SPATA16: variants seen among roughly 807,000 people sequenced by gnomAD.
The protein encoded by SPATA16 is spermatogenesis associated 16.
In SPATA16, 36 loss-of-function variants were observed where a neutral mutation model predicts 63.3. That is an observed-to-expected ratio of 0.57 (90% CI 0.44 to 0.75). SPATA16 has a LOEUF of 0.75. SPATA16 is among the 30% of genes least tolerant of loss of function. The pLI is 0.00. For missense variants in SPATA16, 646 were observed against 679.3 expected, an observed-to-expected ratio of 0.95 and a Z score of 0.54; for synonymous variants, 203 against 216.7, an observed-to-expected ratio of 0.94 and a Z score of 0.56.
chr3:172,943,097 A>G (rs995906433), intron 6 of SPATA16, among the ~76,000 whole-genome samples: 2 of 152,178 alleles, frequency 1.3e-5, no homozygotes, highest in South Asian at 4.1e-4. Flanking sequence ...TTGACCCTAG[A>G]ATTCAGTGAA....
rs769643352 is a variant in SPATA16, at chr3:172,976,941, C to T, written c.933+27G>A. 8.2e-6 allele frequency: 13 copies of T among 1,592,024 alleles called. No individual in the cohort carries two copies. The African/African-American group carries it at 1.5e-4, about 18-fold the overall frequency. ...GCTCTAAAAATGAGATGGGTTTCTC[C>T]TCCCTAGTTGGGACATCAATTTTTA... On this transcript the variant is annotated intron_variant, in intron 5 of 10. Transcript: ENST00000351008.
intron 2 of SPATA16, among the ~76,000 whole-genome samples, chr3:173,104,093 T>C (rs936371575): frequency 1.3e-5 from 2 of 152,198 alleles, no homozygotes; most frequent in African/African-American, 4.8e-5. Flanking sequence ...ATAACAAGGG[T>C]GACCTTTGCA....
chr3:173,058,109 TTCTA>T (rs966908950), intron 2 of SPATA16, among the ~76,000 whole-genome samples: 6 of 152,170 alleles, frequency 3.9e-5, no homozygotes, highest in Non-Finnish European at 7.4e-5. Flanking sequence ...CTATATGAAT[TTCTA>T]TCTATCTCTA....
At position 172,916,476 on chromosome 3, in the gene SPATA16, A is replaced by G. The variant is rs756371319; in HGVS notation, c.1344T>C (p.Ser448=). Residue 448 remains serine (S), a synonymous_variant, in exon 9 of 11, where the codon AGT becomes AGC. Coordinates refer to ENST00000351008, the MANE Select transcript of SPATA16 (RefSeq NM_031955.6). Reference sequence around the variant, plus strand: ...CCATCACACCTGAGGATGCAGGAAAACTCCCCTAGTCTCAAAGTAAAAGAA... The same window carrying G: ...CCATCACACCTGAGGATGCAGGAAAGCTCCCCTAGTCTCAAAGTAAAAGAA... The part of the protein sequence containing the change: ...DFIRSTQLNG[S]FPASSGVMEK... 1.2e-6 allele frequency: 2 copies of G among 1,613,206 alleles called. No individual in the cohort carries two copies. The highest frequency in any genetic ancestry group is 2.7e-5 in the African/African-American group (2 of 74,758).
chr3:173,104,671 C>G (rs1737578335), intron 2 of SPATA16, among the ~76,000 whole-genome samples: 1 of 152,200 alleles, frequency 6.6e-6, no homozygotes, highest in African/African-American at 2.4e-5. Flanking sequence ...GTTCCCAACT[C>G]TAGCACAGAG....
chr3:173,019,676 A>C, intron 3 of SPATA16, 101 bp from the exon 4 acceptor site: 1 of 1,099,620 alleles, frequency 9.1e-7, no homozygotes, highest in Non-Finnish European at 1.4e-6. Context: ...TTTATATACT[A>C]TGTGTTTTTA....
At chr3:172,988,809 T>C (rs1230203130) in intron 4 of SPATA16, among the ~76,000 whole-genome samples, 3 of 152,090 alleles carry the variant, frequency 2.0e-5, no homozygotes, top group Non-Finnish European at 4.4e-5. Flanking sequence ...GCTAATTTTC[T>C]GTATTTTTAG....
At chr3:172,969,550 A>G (rs1733998629) in intron 5 of SPATA16, among the ~76,000 whole-genome samples, 1 of 152,166 alleles carries the variant, frequency 6.6e-6, no homozygotes, top group African/African-American at 2.4e-5. Flanking sequence ...GGAATCTAAT[A>G]TTTTAAATGC....
Position 173,117,313 on chromosome 3 carries a change from AC to A in SPATA16, c.418del (p.Val140Ter). ...ACTCCCAGTAGACATGAAGGACTCT[AC>A]AAACTCATAGCGAACACCCATTTCA... ...IDEMGVRYEF[V>X]ESFMSTGSQP... On this transcript the variant is annotated frameshift_variant, in exon 2 of 11. Transcript: ENST00000351008. LOFTEE classifies it high-confidence loss of function. 1 of 1,614,182 alleles carries A rather than the reference AC, an allele frequency of 6.2e-7. No individual in the cohort carries two copies. Among genetic ancestry groups the A allele is most frequent in the Non-Finnish European group, 8.5e-7 (1 of 1,180,014 alleles).
intron 2 of SPATA16, among the ~76,000 whole-genome samples, chr3:173,086,356 T>C (rs11914883): frequency 0.14 from 21,476 of 152,168 alleles, 1,537 homozygotes; most frequent in East Asian, 0.25. Flanking sequence ...GACAATTGTT[T>C]GTATTTCTTT....
intron 5 of SPATA16, among the ~76,000 whole-genome samples, chr3:172,957,335 A>G (rs955759073): frequency 2.6e-5 from 4 of 152,098 alleles, no homozygotes; most frequent in Non-Finnish European, 5.9e-5. Context: ...TCCTTCCTCA[A>G]TTTCCTCCCA....
At chr3:173,087,491 G>A (rs541632081) in intron 2 of SPATA16, among the ~76,000 whole-genome samples, 6 of 152,252 alleles carry the variant, frequency 3.9e-5, no homozygotes, top group African/African-American at 1.4e-4. Flanking sequence ...GCTATTCTGT[G>A]TCTTTTAATT....
At chr3:172,965,719 C>T (rs1011490574) in intron 5 of SPATA16, among the ~76,000 whole-genome samples, 2 of 151,922 alleles carry the variant, frequency 1.3e-5, no homozygotes, top group Non-Finnish European at 2.9e-5. Flanking sequence ...ACAACCCCCA[C>T]CTCCTGGGTT....
intron 5 of SPATA16, 52 bp downstream of exon 5, chr3:172,976,916 G>T: frequency 1.4e-6 from 2 of 1,436,998 alleles, no homozygotes; most frequent in South Asian, 1.1e-5. Context: ...TTTCATTTTG[G>T]CTCTAAAAAT....
chr3:172,995,900 G>C lies in SPATA16; in HGVS notation c.849-18848C>G, dbSNP rs533649053. Among the ~76,000 whole-genome samples the C allele has an allele frequency of 3.4e-3, 514 of 152,096 alleles. 3 individuals are homozygous for C. Among genetic ancestry groups the C allele is most frequent in the African/African-American group, 0.012 (499 of 41,536 alleles). ...TAGTACTACACAATTAACAAAACCAGGAAATTAATATGGGTGAATTAATAT... is the reference window on the plus strand; with the variant it reads ...TAGTACTACACAATTAACAAAACCACGAAATTAATATGGGTGAATTAATAT... On this transcript the variant is annotated intron_variant, in intron 4 of 10. Transcript: ENST00000351008.
chr3:173,088,122 G>C (rs1223035415), intron 2 of SPATA16, among the ~76,000 whole-genome samples: 1 of 118,808 alleles, frequency 8.4e-6, no homozygotes, highest in African/African-American at 3.4e-5. Context: ...GTCTTGCACT[G>C]TTGCCAGGCT....
chr3:173,040,037 A>G (rs1735801267), intron 3 of SPATA16, among the ~76,000 whole-genome samples: 3 of 151,984 alleles, frequency 2.0e-5, no homozygotes, highest in Admixed American at 6.6e-5. Context: ...TGTCTTTGCT[A>G]TGTCTTTACA....
chr3:172,943,608 C>T lies in SPATA16; in HGVS notation c.1081+13069G>A, dbSNP rs188879191. The stretch of plus-strand genomic sequence containing the variant: ...TACAAAATGTAGCTGGGCATGGTGG[C>T]GCATGCCTGTAATCCCAGCTACTCG... On this transcript the variant is annotated intron_variant, in intron 6 of 10. Transcript: ENST00000351008. Among the ~76,000 whole-genome samples the T allele has an allele frequency of 3.9e-5, 6 of 152,160 alleles. No individual in the cohort carries two copies. The East Asian group carries it at 5.8e-4, about 15-fold the overall frequency.
At chr3:172,922,198 T>C (rs1732628060) in intron 8 of SPATA16, among the ~76,000 whole-genome samples, 1 of 151,818 alleles carries the variant, frequency 6.6e-6, no homozygotes, top group Admixed American at 6.5e-5. Flanking sequence ...TATTTAGATA[T>C]ATTTGTGATC....
Sources: allele counts gnomAD v4.1 joint callset (sites outside exome capture counted in the v4.1 genomes callset), GRCh38; gene constraint gnomAD v4.1.1; transcripts MANE v1.5; gene names NCBI Gene and HGNC (gene_info 2026-07-23, HGNC 2026-07-21).